RAPGEF2: variants seen among roughly 807,000 people sequenced by gnomAD.
RAPGEF2 encodes PDZ domain containing guanine nucleotide exchange factor (GEF) 1.
A neutral mutation model predicts 186.7 loss-of-function variants in RAPGEF2; 54 were observed. The observed-to-expected ratio is 0.29, with a 90% CI of 0.23 to 0.36. The LOEUF (loss-of-function observed/expected upper bound fraction) is 0.36. Ranked by LOEUF, RAPGEF2 falls within the 10% of genes least tolerant of loss-of-function variation. The pLI is 1.00. For synonymous variants in RAPGEF2, 712 were observed against 705.9 expected (o/e 1.01, Z -0.14); for missense variants, 1,532 against 2,045.0 (o/e 0.75, Z 4.84).
intron 1 of RAPGEF2, among the ~76,000 whole-genome samples, chr4:159,174,151 C>G (rs1746204712): frequency 6.6e-6 from 1 of 152,222 alleles, no homozygotes; most frequent in African/African-American, 2.4e-5. Context: ...AAAATCGTAA[C>G]TTAACAAGTG....
intron 4 of RAPGEF2, among the ~76,000 whole-genome samples, chr4:159,212,054 C>A (rs1341791627): frequency 6.6e-6 from 1 of 152,140 alleles, no homozygotes; most frequent in Non-Finnish European, 1.5e-5. Flanking sequence ...TTTCATAACT[C>A]TCCTTTGAAG....
intron 1 of RAPGEF2, among the ~76,000 whole-genome samples, chr4:159,149,272 C>T (rs1561013680): frequency 1.3e-5 from 2 of 152,026 alleles, no homozygotes. Context: ...TGTTTGTTTG[C>T]TTTTTTGAGA....
chr4:159,255,471 A>C (rs1192994095), intron 7 of RAPGEF2, among the ~76,000 whole-genome samples: 1 of 152,070 alleles, frequency 6.6e-6, no homozygotes, highest in African/African-American at 2.4e-5. Context: ...TGTGATTGGC[A>C]ACTCATGACT....
intron 1 of RAPGEF2, among the ~76,000 whole-genome samples, chr4:159,183,884 C>T (rs1747277110): frequency 6.6e-6 from 1 of 152,038 alleles, no homozygotes; most frequent in African/African-American, 2.4e-5. Context: ...AATGCTATCC[C>T]TCCCCCCTCC....
rs1731495315 is a variant in RAPGEF2, at chr4:159,353,480, C to T, written c.4092-7C>T. 2 of 1,398,268 alleles carry T rather than the reference C, an allele frequency of 1.4e-6. No individual in the cohort carries two copies. Among genetic ancestry groups the T allele is most frequent in the South Asian group, 2.1e-5 (1 of 48,540 alleles). The allele number at this position is 1,398,268 out of a possible 1,614,324, so 86.6% of individuals were successfully genotyped here. A position where few individuals can be genotyped will look rare whatever the true frequency, so the allele number is the denominator to read the frequency against. On this transcript the variant is annotated splice_region_variant and splice_polypyrimidine_tract_variant and intron_variant, in intron 27 of 29. Transcript: ENST00000691494. This position sits in a 1 kb window ranked among gnomAD's most constrained non-coding sequence, Gnocchi z 4.3. ...TTTTTTCTTTTCCATTTCTTTTAAC[C>T]ACTTAGGTCCTATGCACCAATGTCC...
intron 3 of RAPGEF2, among the ~76,000 whole-genome samples, chr4:159,194,586 C>G (rs1223255536): frequency 6.6e-6 from 1 of 152,156 alleles, no homozygotes; most frequent in African/African-American, 2.4e-5. Context: ...TGATATGTAT[C>G]TCTAAAAGAT....
intron 1 of RAPGEF2, among the ~76,000 whole-genome samples, chr4:159,181,525 A>G (rs1747005037): frequency 6.6e-6 from 1 of 151,476 alleles, no homozygotes; most frequent in East Asian, 1.9e-4. Context: ...AGACTTTAAT[A>G]TTAGCCTTAC....
chr4:159,217,112 A>G (rs1230122901), intron 4 of RAPGEF2, among the ~76,000 whole-genome samples: 4 of 152,108 alleles, frequency 2.6e-5, no homozygotes, highest in Non-Finnish European at 5.9e-5. Context: ...GAGTGGTTCT[A>G]TGTGGCAGAG....
intron 1 of RAPGEF2, among the ~76,000 whole-genome samples, chr4:159,122,038 C>CAAAAAAAA (rs70962654): frequency 3.1e-4 from 16 of 51,422 alleles, no homozygotes; most frequent in African/African-American, 6.1e-4. Context: ...GACTCCATCT[C>CAAAAAAAA]AAAAAAAAAA....
chr4:159,232,217 A>C (rs549844165), intron 4 of RAPGEF2, among the ~76,000 whole-genome samples: 2 of 152,336 alleles, frequency 1.3e-5, no homozygotes, highest in South Asian at 4.1e-4. Flanking sequence ...TTGTGCCACT[A>C]GTGGCGCTAC....
intron 7 of RAPGEF2, among the ~76,000 whole-genome samples, chr4:159,289,238 A>G (rs1425609176): frequency 1.3e-5 from 2 of 152,146 alleles, no homozygotes; most frequent in Admixed American, 6.6e-5. Flanking sequence ...TTGTTGGATA[A>G]TTAAGTAGAT....
intron 1 of RAPGEF2, among the ~76,000 whole-genome samples, chr4:159,126,647 G>A (rs1740334380): frequency 6.6e-6 from 1 of 151,906 alleles, no homozygotes; most frequent in South Asian, 2.1e-4. Context: ...TTGTGAAAAT[G>A]ACCATCTTAA....
intron 7 of RAPGEF2, among the ~76,000 whole-genome samples, chr4:159,261,607 A>G (rs554848595): frequency 6.6e-5 from 10 of 152,314 alleles, no homozygotes; most frequent in African/African-American, 2.4e-4. Flanking sequence ...TGTATTAAAT[A>G]TTACCAGCTT....
chr4:159,242,978 GTGGGCCATTTAATAAC>G, intron 6 of RAPGEF2, among the ~76,000 whole-genome samples: 1 of 152,034 alleles, frequency 6.6e-6, no homozygotes, highest in East Asian at 1.9e-4. Flanking sequence ...CTTTAGTTGG[GTGGGCCATTTAATAAC>G]TGTTCTCTCC....
At chr4:159,116,548 C>G (rs1038929019) in intron 1 of RAPGEF2, among the ~76,000 whole-genome samples, 2 of 152,162 alleles carry the variant, frequency 1.3e-5, no homozygotes, top group Non-Finnish European at 2.9e-5. Flanking sequence ...ACCCAGCAAT[C>G]CCATTACTGG....
intron 1 of RAPGEF2, among the ~76,000 whole-genome samples, chr4:159,104,855 T>TAC (rs1199557319): frequency 6.6e-6 from 1 of 152,238 alleles, no homozygotes; most frequent in Admixed American, 6.5e-5. Flanking sequence ...TTTTAAAGGA[T>TAC]ACTGCTTTCA....
intron 1 of RAPGEF2, among the ~76,000 whole-genome samples, chr4:159,118,914 A>G (rs1739358605): frequency 1.3e-5 from 2 of 152,202 alleles, no homozygotes. Context: ...AGTCTCTGGC[A>G]TTGAAGATTT....
chr4:159,204,975 G>A (rs28392635), intron 3 of RAPGEF2, among the ~76,000 whole-genome samples: 2,369 of 152,182 alleles, frequency 0.016, 73 homozygotes, highest in African/African-American at 0.054. Context: ...TGGCATTTCA[G>A]CAACACTTGA....
chr4:159,207,957 T>TA (rs1314922938), intron 3 of RAPGEF2, among the ~76,000 whole-genome samples: 1 of 152,238 alleles, frequency 6.6e-6, no homozygotes, highest in Non-Finnish European at 1.5e-5. Flanking sequence ...AGCTAATGAT[T>TA]AAAAACTGAG....
Sources: allele counts gnomAD v4.1 joint callset (sites outside exome capture counted in the v4.1 genomes callset), GRCh38; gene constraint gnomAD v4.1.1; non-coding constraint Gnocchi (gnomAD v3.1); transcripts MANE v1.5; gene names NCBI Gene and HGNC (gene_info 2026-07-23, HGNC 2026-07-21).